The following NELL1 variants were observed in gnomAD, a reference collection of about 807,000 sequenced individuals.
NELL1 encodes neural EGFL like 1.
NELL1 carries 76 observed loss-of-function variants against 107.4 expected under a neutral mutation model. That is an observed-to-expected ratio of 0.71 (90% CI 0.59 to 0.86). The LOEUF (loss-of-function observed/expected upper bound fraction) is 0.86. Ranked by LOEUF, NELL1 falls within the 40% of genes least tolerant of loss-of-function variation. The pLI is 0.00. For missense variants in NELL1, 1,024 were observed against 1,005.5 expected, an observed-to-expected ratio of 1.02 and a Z score of -0.25; for synonymous variants, 353 against 341.2, an observed-to-expected ratio of 1.03 and a Z score of -0.38.
intron 15 of NELL1, among the ~76,000 whole-genome samples, chr11:21,508,571 AAT>A (rs1177753409): frequency 2.0e-5 from 3 of 152,182 alleles, no homozygotes; most frequent in African/African-American, 7.2e-5. Flanking sequence ...ATTACAGTTC[AAT>A]ATATGTTATT....
intron 14 of NELL1, among the ~76,000 whole-genome samples, chr11:21,297,575 A>G (rs1171643551): frequency 6.6e-6 from 1 of 151,938 alleles, no homozygotes; most frequent in Non-Finnish European, 1.5e-5. Context: ...ATACTCAGTA[A>G]CCTCATCCAT....
At position 21,191,226 on chromosome 11, in the gene NELL1, T is replaced by A. The variant is rs138787714; in HGVS notation, c.1427-38106T>A. 6.5e-4 allele frequency among the ~76,000 whole-genome samples: 99 copies of A among 151,910 alleles called. No homozygotes were observed. In the Middle Eastern group the frequency reaches 0.01, roughly 16 times the overall value. On this transcript the variant is annotated intron_variant, in intron 13 of 19. Transcript: ENST00000357134. ...AGATAGTTATATTGTCCTGGATTTC[T>A]GGGTGGGATCAATTTAGTCACAGGA...
intron 14 of NELL1, among the ~76,000 whole-genome samples, chr11:21,264,099 T>TC (rs1848591157): frequency 6.6e-6 from 1 of 151,602 alleles, no homozygotes; most frequent in Non-Finnish European, 1.5e-5. Context: ...TGTGTGTGTT[T>TC]GTGTGTCTGT....
chr11:21,102,488 G>A (rs1471425026), intron 12 of NELL1, among the ~76,000 whole-genome samples: 1 of 152,156 alleles, frequency 6.6e-6, no homozygotes, highest in African/African-American at 2.4e-5. Context: ...CCTTAGACTA[G>A]TTGCTTAGTC....
chr11:20,790,590 G>A (rs1337310362), intron 3 of NELL1, among the ~76,000 whole-genome samples: 1 of 152,194 alleles, frequency 6.6e-6, no homozygotes, highest in East Asian at 1.9e-4. Flanking sequence ...GGTGAAACAG[G>A]AGGCCTGGGT....
intron 14 of NELL1, among the ~76,000 whole-genome samples, chr11:21,244,560 A>G (rs937093960): frequency 6.6e-6 from 1 of 152,144 alleles, no homozygotes; most frequent in African/African-American, 2.4e-5. Context: ...ATCCCCAAAC[A>G]TTATAAATTT....
At chr11:21,027,334 A>C (rs1386343087) in intron 12 of NELL1, among the ~76,000 whole-genome samples, 1 of 143,684 alleles carries the variant, frequency 7.0e-6, no homozygotes, top group Non-Finnish European at 1.5e-5. Context: ...AGTTTAGTTT[A>C]GTTTAGTGGT....
intron 5 of NELL1, among the ~76,000 whole-genome samples, chr11:20,909,332 A>G: frequency 6.6e-6 from 1 of 152,304 alleles, no homozygotes; most frequent in South Asian, 2.1e-4. Flanking sequence ...TTTTAAAAAA[A>G]CAAAACAAAA....
intron 16 of NELL1, among the ~76,000 whole-genome samples, chr11:21,550,417 T>C (rs1334085504): frequency 6.6e-6 from 1 of 152,030 alleles, no homozygotes; most frequent in Non-Finnish European, 1.5e-5. Flanking sequence ...TCCTTGCCCG[T>C]GCCTATGTCC....
At chr11:21,365,004 C>T (rs138347803) in intron 14 of NELL1, among the ~76,000 whole-genome samples, 1 of 152,302 alleles carries the variant, frequency 6.6e-6, no homozygotes, top group East Asian at 1.9e-4. Context: ...TTTTCCTGTA[C>T]TTCACCTGGC....
intron 15 of NELL1, among the ~76,000 whole-genome samples, chr11:21,448,110 T>C (rs1853485373): frequency 6.6e-6 from 1 of 152,186 alleles, no homozygotes; most frequent in South Asian, 2.1e-4. Flanking sequence ...AAAACTGTCT[T>C]TTCTACCCTC....
chr11:20,883,762 C>A (rs1055868527), intron 4 of NELL1, among the ~76,000 whole-genome samples: 4 of 152,174 alleles, frequency 2.6e-5, no homozygotes, highest in African/African-American at 4.8e-5. Context: ...GCATATTCAT[C>A]ACACTTAATG....
In NELL1 at chr11:21,393,468, A is replaced by T. The variant is rs570497245; in HGVS notation, c.1645+22520A>T. The stretch of plus-strand genomic sequence containing the variant: ...ATAGAAAACAGTAAAGCTAAAAAAA[A>T]TTCTGTGGCTGATGAGCAATTTATT... On this transcript the variant is annotated intron_variant, in intron 15 of 19. Coordinates refer to ENST00000357134, the MANE Select transcript of NELL1 (RefSeq NM_006157.5). Among the ~76,000 whole-genome samples, 15 of 151,926 alleles carry T rather than the reference A, an allele frequency of 9.9e-5. No individual in the cohort carries two copies. In the East Asian group the frequency reaches 2.2e-3, roughly 22 times the overall value.
At chr11:21,121,086 A>G (rs1256428342) in intron 13 of NELL1, among the ~76,000 whole-genome samples, 2 of 152,000 alleles carry the variant, frequency 1.3e-5, no homozygotes, top group Admixed American at 1.3e-4. Flanking sequence ...TGGGGTTGGG[A>G]CCCAGCTTTG....
At chr11:21,119,235 T>A (rs190979354) in intron 13 of NELL1, among the ~76,000 whole-genome samples, 88 of 152,092 alleles carry the variant, frequency 5.8e-4, no homozygotes, top group Non-Finnish European at 1.0e-3. Context: ...AAAACCAAAC[T>A]AGTCTTTCCC....
chr11:21,124,948 A>G (rs1478916658), intron 13 of NELL1, among the ~76,000 whole-genome samples: 2 of 152,000 alleles, frequency 1.3e-5, no homozygotes, highest in Non-Finnish European at 2.9e-5. Flanking sequence ...GGGGTGAGAA[A>G]TCTTCCTGGG....
Position 20,855,360 on chromosome 11 carries a change from A to T in NELL1, c.506+7607A>T, listed in dbSNP as rs751993227. Among the ~76,000 whole-genome samples the T allele has an allele frequency of 6.4e-4, 97 of 152,330 alleles. 1 individual carries two copies. Among genetic ancestry groups the T allele is most frequent in the Non-Finnish European group, 2.5e-4 (17 of 68,036 alleles). Reference sequence around the variant, plus strand: ...CAAATAGAAAGAACTGGGAAAAAATACAATAGACTCTTTCCTTTATCTGAT... The same window carrying T: ...CAAATAGAAAGAACTGGGAAAAAATTCAATAGACTCTTTCCTTTATCTGAT... On this transcript the variant is annotated intron_variant, in intron 4 of 19. Coordinates refer to ENST00000357134, the MANE Select transcript of NELL1 (RefSeq NM_006157.5).
intron 13 of NELL1, among the ~76,000 whole-genome samples, chr11:21,221,889 C>T (rs1321520246): frequency 6.6e-6 from 1 of 151,920 alleles, no homozygotes; most frequent in Non-Finnish European, 1.5e-5. Context: ...GGTGGTATTT[C>T]ACCATGTTTC....
intron 14 of NELL1, among the ~76,000 whole-genome samples, chr11:21,280,144 T>C (rs1848960687): frequency 6.6e-6 from 1 of 152,190 alleles, no homozygotes; most frequent in South Asian, 2.1e-4. Flanking sequence ...ATACCTATCA[T>C]TATACATTGG....
Sources: allele counts gnomAD v4.1 joint callset (sites outside exome capture counted in the v4.1 genomes callset), GRCh38; gene constraint gnomAD v4.1.1; transcripts MANE v1.5; gene names NCBI Gene and HGNC (gene_info 2026-07-23, HGNC 2026-07-21).